DSP: variants seen among roughly 807,000 people sequenced by gnomAD.
DSP encodes the protein 250/210 kDa paraneoplastic pemphigus antigen.
Under a neutral mutation model 290.6 loss-of-function variants are expected in DSP, and 114 were observed. That is an observed-to-expected ratio of 0.39 (90% CI 0.34 to 0.46). The LOEUF is 0.46. Among genes scored for constraint, DSP ranks in the 20% least tolerant of loss-of-function variants. The probability of loss-of-function intolerance (pLI) is 0.99; values close to 1 mark genes in which losing one functional copy is unlikely to be tolerated. For missense variants in DSP, 3,230 were observed against 3,495.8 expected, an observed-to-expected ratio of 0.92 and a Z score of 1.92; for synonymous variants, 1,311 against 1,316.4, an observed-to-expected ratio of 1.00 and a Z score of 0.09.
intron 5 of DSP, 31 bp downstream of exon 5, chr6:7,562,811 C>A: frequency 6.2e-7 from 1 of 1,613,346 alleles, no homozygotes; most frequent in South Asian, 1.1e-5. Flanking sequence ...TTAGAGTCTT[C>A]AAAATATCTA....
In DSP at chr6:7,580,188, A is replaced by C. The variant is rs1197135025; in HGVS notation, c.3998A>C (p.Glu1333Ala). Reference protein sequence around the residue: ...KNKEIERLKAEFQEEAKRRWE... With the variant: ...KNKEIERLKAAFQEEAKRRWE... ...AAGGAGATCGAGAGACTCAAAGCTG[A>C]GTTTCAGGAGGAGGCCAAGCGCCGC... The change falls in exon 23 of 24, where the codon GAG becomes GCG. Residue 1333 changes from glutamate to alanine, a missense_variant. Coordinates refer to ENST00000379802, the MANE Select transcript of DSP (RefSeq NM_004415.4). This position sits in a 1 kb window ranked among gnomAD's most constrained non-coding sequence, Gnocchi z 4.2. 2 of 1,614,080 alleles carry C rather than the reference A, an allele frequency of 1.2e-6. No homozygotes were observed. The highest frequency in any genetic ancestry group is 1.7e-5 in the Admixed American group (1 of 60,020).
chr6:7,574,066 C>T lies in DSP; in HGVS notation c.2131-20C>T. Reference sequence around the variant, plus strand: ...AAAAGAATCAGCTAAATCAAAAGAGCTTTCCTTCATTTTTGACAGAGTGTG... The same window carrying T: ...AAAAGAATCAGCTAAATCAAAAGAGTTTTCCTTCATTTTTGACAGAGTGTG... On this transcript the variant is annotated intron_variant, in intron 15 of 23. Coordinates refer to ENST00000379802, the MANE Select transcript of DSP (RefSeq NM_004415.4). 6.2e-7 allele frequency: 1 copy of T among 1,613,722 alleles called. No homozygotes were observed. Among genetic ancestry groups the T allele is most frequent in the South Asian group, 1.1e-5 (1 of 91,076 alleles).
rs775080138 is a variant in DSP at position 7,576,391 on chromosome 6, G to T, written c.2728G>T (p.Asp910Tyr). ...GCTCTATGATGCTAAACGCCGCCAG[G>T]ATTCCTTAGAATCCATGAAATTTGG... ...KWLYDAKRRQ[D>Y]SLESMKFGDS... The change falls in exon 19 of 24, where the codon GAT (aspartate) becomes TAT (tyrosine). Residue 910 changes from aspartate to tyrosine, a missense_variant. This residue lies in a region of DSP where 1,714 missense variants were observed against 1,844.5 expected (regional missense o/e 0.93). Coordinates refer to ENST00000379802, the MANE Select transcript of DSP (RefSeq NM_004415.4). 1 of 1,614,128 alleles carries T rather than the reference G, an allele frequency of 6.2e-7. No homozygotes were observed. The highest frequency in any genetic ancestry group is 1.1e-5 in the South Asian group (1 of 91,086).
chr6:7,580,748 A>G lies in DSP; in HGVS notation c.4558A>G (p.Ser1520Gly), dbSNP rs780953141. 2.4e-5 allele frequency: 39 copies of G among 1,614,024 alleles called. No homozygotes were observed. The highest frequency in any genetic ancestry group is 2.4e-5 in the Non-Finnish European group (28 of 1,180,034). The change falls in exon 23 of 24, where the codon AGT becomes GGT. Residue 1520 changes from serine to glycine, a missense_variant. Ser to Gly is a moderately conservative substitution (Grantham distance 56, BLOSUM62 0). Around this residue, in one of 5 missense-constraint regions of DSP, gnomAD observed 1,714 missense variants for 1,844.5 expected, o/e 0.93. Transcript: ENST00000379802. The surrounding 1 kb of genome is among the most constrained non-coding windows in gnomAD (Gnocchi z 4.2). ...VQYDLQKANS[S>G]ATETINKLKV... The stretch of plus-strand genomic sequence containing the variant: ...GTATGACCTGCAGAAAGCAAACAGT[A>G]GTGCGACGGAGACAATAAACAAACT...
rs372881903 is a variant in DSP, at chr6:7,580,690, G to T, written c.4500G>T (p.Leu1500=). 95 of 1,614,038 alleles carry T rather than the reference G, an allele frequency of 5.9e-5. No homozygotes were observed. In the African/African-American group the frequency reaches 1.2e-3, roughly 21 times the overall value. ...IDKETNDRKC[L]EDENARLQRV... is the part of the protein sequence containing the mutation. ...AAGAAACAAATGACCGGAAATGCCT[G>T]GAAGATGAAAACGCGAGATTACAAA... Residue 1500 remains leucine (L), a synonymous_variant, in exon 23 of 24, where the codon CTG becomes CTT. Coordinates refer to ENST00000379802, the MANE Select transcript of DSP (RefSeq NM_004415.4). This position sits in a 1 kb window ranked among gnomAD's most constrained non-coding sequence, Gnocchi z 4.2.
chr6:7,569,258 C>G lies in DSP; in HGVS notation c.1492C>G (p.Pro498Ala), dbSNP rs1581803474. ...NERSKWYVTGPGGVDMLVPSV... is the reference protein window; with the variant it reads ...NERSKWYVTGAGGVDMLVPSV... ...GCGCAGCAAGTGGTACGTGACGGGC[C>G]CGGGAGGCGTTGACATGCTTGTTCC... Residue 498 changes from proline (P) to alanine (A), a missense_variant, in exon 12 of 24, where the codon CCG becomes GCG. By Grantham distance (27) the Pro-to-Ala change is conservative. Around this residue, in one of 5 missense-constraint regions of DSP, gnomAD observed 646 missense variants for 684.3 expected, o/e 0.94. Transcript: ENST00000379802. 20 of 1,614,174 alleles carry G rather than the reference C, an allele frequency of 1.2e-5. No homozygotes were observed. Among genetic ancestry groups the G allele is most frequent in the Non-Finnish European group, 1.7e-5 (20 of 1,180,046 alleles).
intron 1 of DSP, among the ~76,000 whole-genome samples, chr6:7,545,007 C>T (rs1022144841): frequency 6.6e-6 from 1 of 152,116 alleles, no homozygotes; most frequent in African/African-American, 2.4e-5. Context: ...TTATTCCTGT[C>T]ATTAAAACAA....
chr6:7,573,939 G>T, intron 15 of DSP, 147 bp from the exon 16 acceptor site: 1 of 880,270 alleles, frequency 1.1e-6, no homozygotes, highest in Non-Finnish European at 1.8e-6. Flanking sequence ...GATAACCATG[G>T]AAGTTGACTG....
chr6:7,575,552 T>C, intron 18 of DSP, 64 bp downstream of exon 18: 3 of 1,593,668 alleles, frequency 1.9e-6, no homozygotes, highest in Non-Finnish European at 2.6e-6. Context: ...CAAGATAATG[T>C]CACTTGAAGG....
At position 7,584,656 on chromosome 6, in the gene DSP, G is replaced by A. The variant is rs1759569907; in HGVS notation, c.7394G>A (p.Arg2465Lys). ...TSQKNTLRKR[R>K]VVIVDPETNK... The stretch of plus-strand genomic sequence containing the variant: ...CAAAAGAATACCCTCAGGAAGCGTA[G>A]AGTGGTCATAGTTGACCCAGAAACC... Residue 2465 changes from arginine to lysine, a missense_variant, in exon 24 of 24, where the codon AGA becomes AAA. By Grantham distance (26) the Arg-to-Lys change is conservative (BLOSUM62 2). Transcript: ENST00000379802. The surrounding 1 kb of genome is among the most constrained non-coding windows in gnomAD (Gnocchi z 6.4). The A allele has an allele frequency of 1.2e-6, 2 of 1,614,026 alleles. No individual in the cohort carries two copies. The highest frequency in any genetic ancestry group is 2.2e-5 in the East Asian group (1 of 44,886).
Position 7,568,332 on chromosome 6 carries a change from C to G in DSP, c.1267-105C>G. ...TGATTTTTTACAATTGATGCAACTG[C>G]AGTGATACTCAGTGTGTCATGTAGC... On this transcript the variant is annotated intron_variant, in intron 10 of 23. Transcript: ENST00000379802. The G allele has an allele frequency of 2.4e-6, 3 of 1,254,302 alleles. No individual in the cohort carries two copies. The Admixed American group carries it at 5.2e-5, about 22-fold the overall frequency. 77.7% of individuals were successfully genotyped at this position (1,254,302 alleles called of 1,614,324 possible).
rs730880093 is a variant in DSP at position 7,583,654 on chromosome 6, CA to C, written c.6393del (p.Gly2133ValfsTer2). ...GMRLLEAQIA[S>X]GGVVDPVNSV... ...CGCCTGCTGGAAGCCCAGATTGCTT[CA>C]GGGGGTGTAGTAGACCCTGTGAACA... is the stretch of plus-strand genomic sequence containing the variant. On this transcript the variant is annotated frameshift_variant, in exon 24 of 24. Transcript: ENST00000379802. LOFTEE classifies it high-confidence loss of function. This position sits in a 1 kb window ranked among gnomAD's most constrained non-coding sequence, Gnocchi z 4.0. 2 of 1,614,108 alleles carry C rather than the reference CA, an allele frequency of 1.2e-6. No homozygotes were observed.
intron 20 of DSP, 72 bp from the exon 21 acceptor site, chr6:7,577,707 T>C: frequency 2.5e-6 from 3 of 1,221,716 alleles, no homozygotes; most frequent in South Asian, 2.4e-5. Context: ...TTTAAAACTG[T>C]GGAACTGTAG....
intron 5 of DSP, 90 bp from the exon 6 acceptor site, chr6:7,563,646 T>C (rs1433530925): frequency 1.3e-5 from 13 of 1,003,074 alleles, no homozygotes; most frequent in Non-Finnish European, 2.1e-5. Flanking sequence ...CTGAGGCCAG[T>C]ATCTGAAGAA....
Position 7,563,750 on chromosome 6 carries a change from G to T in DSP, c.741G>T (p.Ala247=), listed in dbSNP as rs2806234. 1 of 1,613,554 alleles carries T rather than the reference G, an allele frequency of 6.2e-7. No homozygotes were observed. Among genetic ancestry groups the T allele is most frequent in the South Asian group, 1.1e-5 (1 of 91,068 alleles). The change falls in exon 6 of 24, where the codon GCG becomes GCT. Residue 247 remains alanine (A), a synonymous_variant. Coordinates refer to ENST00000379802, the MANE Select transcript of DSP (RefSeq NM_004415.4). ...KIKADLREKS[A]IYQLEEEYEN... The stretch of plus-strand genomic sequence containing the variant: ...TTGTCTTCTAGCGCGAGAAATCTGC[G>T]ATCTACCAGTTGGAGGAGGAGTATG...
intron 1 of DSP, among the ~76,000 whole-genome samples, chr6:7,549,942 T>C (rs1262048011): frequency 6.6e-6 from 1 of 152,260 alleles, no homozygotes; most frequent in Non-Finnish European, 1.5e-5. Context: ...AACTTTGTTT[T>C]TGCCTATAAT....
rs1413485849 is a variant in DSP, at chr6:7,580,945, A to T, written c.4755A>T (p.Ser1585=). 2 of 1,614,174 alleles carry T rather than the reference A, an allele frequency of 1.2e-6. No individual in the cohort carries two copies. Among genetic ancestry groups the T allele is most frequent in the African/African-American group, 2.7e-5 (2 of 75,072 alleles). ...EELNRLKRTA[S]EDSCKRKKLE... ...TGAATCGGCTGAAGAGGACCGCGTC[A>T]GAAGACTCCTGCAAGAGGAAGAAGC... Residue 1585 remains serine, a synonymous_variant, in exon 23 of 24, where the codon TCA becomes TCT. Coordinates refer to ENST00000379802, the MANE Select transcript of DSP (RefSeq NM_004415.4). This position sits in a 1 kb window ranked among gnomAD's most constrained non-coding sequence, Gnocchi z 4.2.
In DSP at chr6:7,541,987, G is replaced by A. The variant is rs780463807; in HGVS notation, c.72G>A (p.Pro24=). The change falls in exon 1 of 24, where the codon CCG becomes CCA. Residue 24 remains proline, a synonymous_variant. Transcript: ENST00000379802. Reference sequence around the variant, plus strand: ...GCATGATCCGCGCCGAGTCTGGCCCGGACCTGCGCTACGAGGTGACCAGCG... The same window carrying A: ...GCATGATCCGCGCCGAGTCTGGCCCAGACCTGCGCTACGAGGTGACCAGCG... ...LGRMIRAESG[P]DLRYEVTSGG... is the part of the protein sequence containing the mutation. The A allele has an allele frequency of 3.7e-6, 6 of 1,602,318 alleles. No homozygotes were observed. The Admixed American group carries it at 5.1e-5, about 14-fold the overall frequency.
rs1490279963 is a variant in DSP at position 7,563,773 on chromosome 6, A to T, written c.764A>T (p.Tyr255Phe). The T allele has an allele frequency of 1.5e-5, 24 of 1,613,666 alleles. No individual in the cohort carries two copies. Among genetic ancestry groups the T allele is most frequent in the Non-Finnish European group, 1.9e-5 (23 of 1,179,690 alleles). ...KSAIYQLEEE[Y>F]ENLLKASFER... is the part of the protein sequence containing the mutation. Reference sequence around the variant, plus strand: ...GCGATCTACCAGTTGGAGGAGGAGTATGAAAACCTGCTGGTAAGCTGATTT... The same window carrying T: ...GCGATCTACCAGTTGGAGGAGGAGTTTGAAAACCTGCTGGTAAGCTGATTT... The change falls in exon 6 of 24, where the codon TAT becomes TTT. Residue 255 changes from tyrosine (Y) to phenylalanine (F), a missense_variant. Around this residue, in one of 5 missense-constraint regions of DSP, gnomAD observed 646 missense variants for 684.3 expected, o/e 0.94. Transcript: ENST00000379802.
Sources: allele counts gnomAD v4.1 joint callset (sites outside exome capture counted in the v4.1 genomes callset), GRCh38; gene constraint gnomAD v4.1.1; regional missense constraint gnomAD v4.1.1; non-coding constraint Gnocchi (gnomAD v3.1); transcripts MANE v1.5; gene names NCBI Gene and HGNC (gene_info 2026-07-23, HGNC 2026-07-21).